Variants in FSTL4 observed in about 807,000 individuals in gnomAD.
FSTL4 encodes the protein follistatin-related protein 4.
FSTL4 carries 28 observed loss-of-function variants against 78.2 expected under a neutral mutation model. That is an observed-to-expected ratio of 0.36 (90% CI 0.27 to 0.49). The LOEUF (loss-of-function observed/expected upper bound fraction) is 0.49, where lower values mean the gene tolerates loss of function less well. Ranked by LOEUF, FSTL4 falls within the 20% of genes least tolerant of loss-of-function variation. The probability of loss-of-function intolerance (pLI) is 0.98; values close to 1 mark genes in which losing one functional copy is unlikely to be tolerated. For missense variants in FSTL4, 922 were observed against 1,084.9 expected, an observed-to-expected ratio of 0.85 and a Z score of 2.11; for synonymous variants, 422 against 440.5, an observed-to-expected ratio of 0.96 and a Z score of 0.53.
chr5:133,773,095 A>G, the FSTL4 span, among the ~76,000 whole-genome samples: 1 of 152,114 alleles, frequency 6.6e-6, no homozygotes, highest in African/African-American at 2.4e-5. Context: ...ACTAAATGCT[A>G]TTTATGGGAA....
the FSTL4 span, among the ~76,000 whole-genome samples, chr5:133,735,357 A>G: frequency 6.6e-6 from 1 of 152,126 alleles, no homozygotes; most frequent in African/African-American, 2.4e-5. Context: ...CCAGTTATTC[A>G]GGAGGCTGAG....
chr5:133,199,574 G>A lies in FSTL4; in HGVS notation c.2050C>T (p.Pro684Ser). The A allele has an allele frequency of 6.2e-7, 1 of 1,614,078 alleles. No homozygotes were observed. Among genetic ancestry groups the A allele is most frequent in the Non-Finnish European group, 8.5e-7 (1 of 1,179,964 alleles). ...VDSVTDSVLG[P>S]NGDVTGTPHT... ...GGGGTGCCTGTTACATCACCATTGG[G>A]GCCAAGCACAGAGTCTGTGACACTG... The change falls in exon 16 of 16, where the codon CCC becomes TCC. Residue 684 changes from proline (P) to serine (S), a missense_variant. By Grantham distance (74) the Pro-to-Ser change is moderately conservative (BLOSUM62 -1). Transcript: ENST00000265342. This position sits in a 1 kb window ranked among gnomAD's most constrained non-coding sequence, Gnocchi z 4.4.
the FSTL4 span, among the ~76,000 whole-genome samples, chr5:133,724,777 T>C: frequency 2.6e-5 from 4 of 152,346 alleles, no homozygotes; most frequent in South Asian, 6.2e-4. Context: ...TTTTGTGTCC[T>C]AAGAATCTCT....
the FSTL4 span, among the ~76,000 whole-genome samples, chr5:133,687,547 A>G: frequency 6.6e-6 from 1 of 152,176 alleles, no homozygotes; most frequent in East Asian, 1.9e-4. Flanking sequence ...GCGTCAGTTA[A>G]AACTCATTGC....
At chr5:133,570,664 A>T (rs148831801) in intron 2 of FSTL4, among the ~76,000 whole-genome samples, 1 of 152,336 alleles carries the variant, frequency 6.6e-6, no homozygotes, top group East Asian at 1.9e-4. Context: ...TCTTTGTGCC[A>T]TAAAAAAGTA....
chr5:133,591,559 G>A (rs1317143922), intron 2 of FSTL4, among the ~76,000 whole-genome samples: 1 of 152,030 alleles, frequency 6.6e-6, no homozygotes, highest in African/African-American at 2.4e-5. Context: ...AGAGCCCCTG[G>A]AGGGCCCCTC....
At chr5:133,212,184 A>G (rs1419058806) in intron 13 of FSTL4, among the ~76,000 whole-genome samples, 2 of 152,226 alleles carry the variant, frequency 1.3e-5, no homozygotes, top group Non-Finnish European at 2.9e-5. Flanking sequence ...CCATCTTGAC[A>G]ACACATTCTC....
chr5:133,659,219 T>A, the FSTL4 span, among the ~76,000 whole-genome samples: 55 of 152,236 alleles, frequency 3.6e-4, 1 homozygote, highest in Middle Eastern at 0.02. Context: ...AGCTATTTTT[T>A]AAATTTATTT....
chr5:133,759,458 A>T, the FSTL4 span, among the ~76,000 whole-genome samples: 1 of 152,200 alleles, frequency 6.6e-6, no homozygotes, highest in Non-Finnish European at 1.5e-5. Context: ...ATGTATACTG[A>T]CCCAAAAAAT....
At chr5:133,552,769 G>A (rs1223745094) in intron 3 of FSTL4, among the ~76,000 whole-genome samples, 1 of 152,202 alleles carries the variant, frequency 6.6e-6, no homozygotes, top group Non-Finnish European at 1.5e-5. Context: ...CAGGCTTGGT[G>A]AGTTTCCAGG....
chr5:133,836,753 A>C, the FSTL4 span, among the ~76,000 whole-genome samples: 3 of 152,054 alleles, frequency 2.0e-5, no homozygotes, highest in Non-Finnish European at 4.4e-5. Flanking sequence ...TTGTTTCACC[A>C]TGGTTCTGAT....
intron 2 of FSTL4, among the ~76,000 whole-genome samples, chr5:133,579,306 C>A (rs1760352528): frequency 6.6e-6 from 1 of 152,182 alleles, no homozygotes; most frequent in South Asian, 2.1e-4. Flanking sequence ...GAGGTGAGTG[C>A]AGTTTCCCAG....
At chr5:133,254,826 G>A (rs907005604) in intron 6 of FSTL4, among the ~76,000 whole-genome samples, 4 of 152,164 alleles carry the variant, frequency 2.6e-5, no homozygotes, top group Non-Finnish European at 5.9e-5. Context: ...TCCTGATGGC[G>A]AGGGTCTGGA....
At chr5:133,294,347 G>A (rs75170429) in intron 6 of FSTL4, among the ~76,000 whole-genome samples, 2,339 of 152,208 alleles carry the variant, frequency 0.015, 55 homozygotes, top group African/African-American at 0.049. Flanking sequence ...CTACCACCAC[G>A]TGCAACTTTT....
chr5:133,650,619 C>T, the FSTL4 span, among the ~76,000 whole-genome samples: 1 of 152,114 alleles, frequency 6.6e-6, no homozygotes, highest in Non-Finnish European at 1.5e-5. Flanking sequence ...TATTTCTTGG[C>T]TCTTCATTCT....
At chr5:133,423,167 C>A (rs1347546228) in intron 3 of FSTL4, among the ~76,000 whole-genome samples, 1 of 152,246 alleles carries the variant, frequency 6.6e-6, no homozygotes, top group African/African-American at 2.4e-5. Context: ...TGGCTTTGTT[C>A]TTGGACTGCA....
At chr5:133,376,356 G>A (rs1292984518) in intron 4 of FSTL4, among the ~76,000 whole-genome samples, 1 of 152,122 alleles carries the variant, frequency 6.6e-6, no homozygotes, top group Non-Finnish European at 1.5e-5. Context: ...AGGGCAAATT[G>A]GAATTGGAAT....
the FSTL4 span, among the ~76,000 whole-genome samples, chr5:133,754,026 G>A: frequency 6.6e-6 from 1 of 152,324 alleles, no homozygotes; most frequent in South Asian, 2.1e-4. Flanking sequence ...AACCCAGGCA[G>A]GAAGCTCTGC....
chr5:133,301,666 A>C (rs1168706050), intron 6 of FSTL4, among the ~76,000 whole-genome samples: 1 of 152,168 alleles, frequency 6.6e-6, no homozygotes, highest in Non-Finnish European at 1.5e-5. Flanking sequence ...GTTCTGCCTG[A>C]AGCACCGTCT....
Sources: allele counts gnomAD v4.1 joint callset (sites outside exome capture counted in the v4.1 genomes callset), GRCh38; gene constraint gnomAD v4.1.1; non-coding constraint Gnocchi (gnomAD v3.1); transcripts MANE v1.5; gene names NCBI Gene and HGNC (gene_info 2026-07-23, HGNC 2026-07-21).